The following CTBP1 variants were observed in gnomAD, a reference collection of about 807,000 sequenced individuals.
The protein encoded by CTBP1 is C-terminal binding protein 1.
In CTBP1, 11 loss-of-function variants were observed where a neutral mutation model predicts 42.1. The ratio of observed to expected loss-of-function variants is 0.26; its 90% CI spans 0.16 to 0.43. The LOEUF (loss-of-function observed/expected upper bound fraction) is 0.43, where lower values mean the gene tolerates loss of function less well. Among genes scored for constraint, CTBP1 ranks in the 20% least tolerant of loss-of-function variants. CTBP1 has a pLI of 1.00. For missense variants in CTBP1, 399 were observed against 624.3 expected (o/e 0.64, Z 3.85); for synonymous variants, 324 against 277.1 (o/e 1.17, Z -1.68).
At chr4:1,248,122 T>C (rs1236438986) in intron 1 of CTBP1, among the ~76,000 whole-genome samples, 1 of 151,782 alleles carries the variant, frequency 6.6e-6, no homozygotes, top group African/African-American at 2.4e-5. Flanking sequence ...ACGCGGGCGC[T>C]GCAAGATGGC....
rs141739471 is a variant in CTBP1 at position 1,227,617 on chromosome 4, TGA to T, written c.307+580_307+581del. ...CTGAGTGCATGTGCACGGGTGCAGA[TGA>T]GTGTGCAAGATCCGTGTGCTAACTG... On this transcript the variant is annotated intron_variant, in intron 4 of 9. Coordinates refer to ENST00000382952, the MANE Select transcript of CTBP1 (RefSeq NM_001012614.2). Among the ~76,000 whole-genome samples, 878 of 148,720 alleles carry T rather than the reference TGA, an allele frequency of 5.9e-3. 15 individuals carry two copies. Among genetic ancestry groups the T allele is most frequent in the African/African-American group, 0.021 (839 of 39,958 alleles).
intron 8 of CTBP1, 75 bp downstream of exon 8, chr4:1,213,403 C>T (rs563018272): frequency 9.4e-6 from 15 of 1,587,966 alleles, no homozygotes; most frequent in Middle Eastern, 2.1e-4. Context: ...GGCTGCCAGG[C>T]GGATGCGAGC....
intron 6 of CTBP1, among the ~76,000 whole-genome samples, chr4:1,215,347 A>C (rs1297927896): frequency 6.6e-6 from 1 of 152,232 alleles, no homozygotes; most frequent in Non-Finnish European, 1.5e-5. Context: ...AAGCTCATAC[A>C]AACATGCAGA....
At chr4:1,212,510 G>A in intron 9 of CTBP1, 87 bp from the exon 10 acceptor site, 1 of 1,203,046 alleles carries the variant, frequency 8.3e-7, no homozygotes. Context: ...CAGCACCGAG[G>A]GGGCCTCTCC....
chr4:1,249,718 G>C, upstream of CTBP1: 1 of 398,596 alleles, frequency 2.5e-6, no homozygotes, highest in South Asian at 1.7e-5. Context: ...TCCCCAGGCG[G>C]GGGAGCCCCG....
At position 1,223,382 on chromosome 4, in the gene CTBP1, G is replaced by A. The variant is rs369564288; in HGVS notation, c.514+1978C>T. The A allele has an allele frequency of 1.5e-4, 69 of 453,002 alleles. No individual in the cohort carries two copies. In the East Asian group the frequency reaches 2.0e-3, roughly 13 times the overall value. 28.1% of individuals were successfully genotyped at this position (453,002 alleles called of 1,614,324 possible). ...GACGTGTCCAGGAAGAGACAGGCAC[G>A]TGTTCCATGCACATCCGTGAACCAA... On this transcript the variant is annotated intron_variant, in intron 5 of 9. Coordinates refer to ENST00000382952, the MANE Select transcript of CTBP1 (RefSeq NM_001012614.2).
At chr4:1,223,997 C>T (rs1266358774) in intron 5 of CTBP1, among the ~76,000 whole-genome samples, 1 of 152,152 alleles carries the variant, frequency 6.6e-6, no homozygotes, top group Non-Finnish European at 1.5e-5. Context: ...AACCACTCCC[C>T]GGGGATAGGG....
In CTBP1 at chr4:1,236,655, G is replaced by A; in HGVS notation, c.162+1528C>T. 5 of 668,852 alleles carry A rather than the reference G, an allele frequency of 7.5e-6. No individual in the cohort carries two copies. The South Asian group carries it at 7.8e-5, about 10-fold the overall frequency. 41.4% of individuals were successfully genotyped at this position (668,852 alleles called of 1,614,324 possible). A position where few individuals can be genotyped will look rare whatever the true frequency, so the allele number is the denominator to read the frequency against. ...GCAAACCCGGTGTCCACCTCCTGATGGGGCTCAGGGCAAACCCGGTGTCCA... is the reference window on the plus strand; with the variant it reads ...GCAAACCCGGTGTCCACCTCCTGATAGGGCTCAGGGCAAACCCGGTGTCCA... On this transcript the variant is annotated intron_variant, in intron 3 of 9. Transcript: ENST00000382952.
intron 1 of CTBP1, chr4:1,244,557 C>T: frequency 1.0e-6 from 1 of 985,206 alleles, no homozygotes; most frequent in African/African-American, 1.7e-5. Context: ...TCACGACCTC[C>T]ACCAGGACAG....
chr4:1,213,781 G>A (rs778112989), intron 7 of CTBP1, 176 bp from the exon 8 acceptor site: 7 of 751,368 alleles, frequency 9.3e-6, no homozygotes, highest in Non-Finnish European at 1.4e-5. Context: ...GGGACCATCA[G>A]ACACACCAGG....
In CTBP1 at chr4:1,238,094, C is replaced by G. The variant is rs768492475; in HGVS notation, c.162+89G>C. On this transcript the variant is annotated intron_variant, in intron 3 of 9. Coordinates refer to ENST00000382952, the MANE Select transcript of CTBP1 (RefSeq NM_001012614.2). This position sits in a 1 kb window ranked among gnomAD's most constrained non-coding sequence, Gnocchi z 5.9. Reference sequence around the variant, plus strand: ...GCTCCTGCCCCAGTGGCACCCAGACCTGCTGTGGCCCGGGCCTGCCGTGCT... The same window carrying G: ...GCTCCTGCCCCAGTGGCACCCAGACGTGCTGTGGCCCGGGCCTGCCGTGCT... 1 of 1,564,240 alleles carries G rather than the reference C, an allele frequency of 6.4e-7. No individual in the cohort carries two copies. Among genetic ancestry groups the G allele is most frequent in the Non-Finnish European group, 8.8e-7 (1 of 1,140,250 alleles).
chr4:1,213,007 T>A lies in CTBP1; in HGVS notation c.1012A>T (p.Asn338Tyr), dbSNP rs747214007. ...ITGRIPDSLK[N>Y]CVNKDHLTAA... is the part of the protein sequence containing the mutation. ...GTCAGATGGTCCTTGTTGACACAGT[T>A]CTTCAGGCTGTCTGGGATCCGGCCT... Residue 338 changes from asparagine to tyrosine, a missense_variant, in exon 9 of 10, where the codon AAC becomes TAC. Asn to Tyr is a moderately radical substitution (Grantham distance 143). Around this residue, in one of 4 missense-constraint regions of CTBP1, gnomAD observed 309 missense variants for 497.5 expected, o/e 0.62. Transcript: ENST00000382952. 1 of 1,613,862 alleles carries A rather than the reference T, an allele frequency of 6.2e-7. No homozygotes were observed. Among genetic ancestry groups the A allele is most frequent in the South Asian group, 1.1e-5 (1 of 91,074 alleles).
chr4:1,230,320 G>T (rs568609443), intron 3 of CTBP1, among the ~76,000 whole-genome samples: 1 of 152,212 alleles, frequency 6.6e-6, no homozygotes, highest in African/African-American at 2.4e-5. Flanking sequence ...AGACCCCTGC[G>T]CTGCGTGGAC....
intron 2 of CTBP1, among the ~76,000 whole-genome samples, chr4:1,239,287 AC>A (rs1731908942): frequency 1.3e-5 from 2 of 152,184 alleles, no homozygotes; most frequent in Non-Finnish European, 2.9e-5. Context: ...AGGTGGGGCC[AC>A]TGTCAGCCCC....
intron 5 of CTBP1, among the ~76,000 whole-genome samples, chr4:1,225,112 G>A (rs1261979892): frequency 2.6e-5 from 4 of 152,026 alleles, no homozygotes; most frequent in Non-Finnish European, 5.9e-5. Flanking sequence ...TGTGTGTGCT[G>A]TGGCATCCGT....
intron 5 of CTBP1, among the ~76,000 whole-genome samples, chr4:1,223,016 G>A (rs368747629): frequency 2.0e-5 from 3 of 152,160 alleles, no homozygotes; most frequent in East Asian, 1.9e-4. Flanking sequence ...GTGACCTGCA[G>A]GCAAGGCACA....
intron 1 of CTBP1, among the ~76,000 whole-genome samples, chr4:1,246,150 G>T (rs1732697552): frequency 6.6e-6 from 1 of 152,178 alleles, no homozygotes. Flanking sequence ...ACCCAGTGCG[G>T]GGGAGAGCAG....
chr4:1,250,315 G>C (rs973584431), upstream of CTBP1: 2 of 268,446 alleles, frequency 7.5e-6, no homozygotes, highest in Non-Finnish European at 1.5e-5. Flanking sequence ...TTCTAAGATC[G>C]GGCTGCCGAG....
At chr4:1,232,315 C>CT (rs1167850593) in intron 3 of CTBP1, among the ~76,000 whole-genome samples, 2 of 151,960 alleles carry the variant, frequency 1.3e-5, no homozygotes, top group African/African-American at 4.8e-5. Context: ...GTCATTCTTT[C>CT]TTTTTTTCCT....
Sources: allele counts gnomAD v4.1 joint callset (sites outside exome capture counted in the v4.1 genomes callset), GRCh38; gene constraint gnomAD v4.1.1; regional missense constraint gnomAD v4.1.1; non-coding constraint Gnocchi (gnomAD v3.1); transcripts MANE v1.5; gene names NCBI Gene and HGNC (gene_info 2026-07-23, HGNC 2026-07-21).